UBR2: variants seen among roughly 807,000 people sequenced by gnomAD.
UBR2 encodes E3 ubiquitin-protein ligase UBR2.
A neutral mutation model predicts 247.9 loss-of-function variants in UBR2; 92 were observed. The observed-to-expected ratio is 0.37, with a 90% CI of 0.31 to 0.44. UBR2 has a LOEUF of 0.44. Among genes scored for constraint, UBR2 ranks in the 20% least tolerant of loss-of-function variants. The pLI is 1.00. For missense variants in UBR2, 1,613 were observed against 2,112.6 expected, an observed-to-expected ratio of 0.76 and a Z score of 4.64; for synonymous variants, 672 against 693.5, an observed-to-expected ratio of 0.97 and a Z score of 0.49.
chr6:42,644,615 T>A, intron 20 of UBR2, 79 bp downstream of exon 20: 1 of 1,199,640 alleles, frequency 8.3e-7, no homozygotes, highest in Non-Finnish European at 1.2e-6. Flanking sequence ...TTCTGGCCTG[T>A]GTTTCCTTTG....
chr6:42,642,342 GC>G, intron 17 of UBR2, 73 bp from the exon 18 acceptor site: 1 of 1,006,404 alleles, frequency 9.9e-7, no homozygotes, highest in East Asian at 2.6e-5. Context: ...ACAAACTTGT[GC>G]TTTTGGGGAA....
intron 1 of UBR2, among the ~76,000 whole-genome samples, chr6:42,573,530 A>G (rs1791300376): frequency 6.6e-6 from 1 of 152,170 alleles, no homozygotes; most frequent in South Asian, 2.1e-4. Flanking sequence ...TTTCATTTTA[A>G]TTTTACTTAC....
chr6:42,586,822 C>CTTTTTTTTT (rs34530579), intron 2 of UBR2, among the ~76,000 whole-genome samples: 1 of 123,906 alleles, frequency 8.1e-6, no homozygotes. Flanking sequence ...CACCTATAAA[C>CTTTTTTTTT]TTTTTTTTTT....
At chr6:42,666,047 A>G in intron 33 of UBR2, 120 bp from the exon 34 acceptor site, 1 of 722,438 alleles carries the variant, frequency 1.4e-6, no homozygotes. Flanking sequence ...TATGGTTGTT[A>G]TGCCAGTTTT....
At chr6:42,582,200 G>C (rs921655481) in intron 2 of UBR2, among the ~76,000 whole-genome samples, 6 of 149,668 alleles carry the variant, frequency 4.0e-5, no homozygotes, top group Non-Finnish European at 8.9e-5. Context: ...GGAGAATGAC[G>C]TGAACCCGGG....
At chr6:42,586,683 C>G (rs1018368824) in intron 2 of UBR2, among the ~76,000 whole-genome samples, 9 of 151,130 alleles carry the variant, frequency 6.0e-5, no homozygotes, top group African/African-American at 1.7e-4. Context: ...AATGGTAACT[C>G]TAGGGATTAT....
In UBR2 at chr6:42,670,142, C is replaced by T. The variant is rs1212701293; in HGVS notation, c.3932C>T (p.Ala1311Val). ...GAAATGCTAACGACATTTGGAACTG[C>T]TACCTACAAGGTGGGACTAAAGGTT... Reference protein sequence around the residue: ...IKEMLTTFGTATYKVGLKVHP... With the variant: ...IKEMLTTFGTVTYKVGLKVHP... Residue 1311 changes from alanine to valine, a missense_variant, in exon 35 of 47, where the codon GCT becomes GTT. By Grantham distance (64) the Ala-to-Val change is moderately conservative. Transcript: ENST00000372901. 1 of 1,614,180 alleles carries T rather than the reference C, an allele frequency of 6.2e-7. No homozygotes were observed. The highest frequency in any genetic ancestry group is 8.5e-7 in the Non-Finnish European group (1 of 1,180,018).
Position 42,614,384 on chromosome 6 carries a change from GT to G in UBR2, c.986-686del, listed in dbSNP as rs888340308. On this transcript the variant is annotated intron_variant, in intron 8 of 46. Transcript: ENST00000372901. ...TATATGTGTGTATGTGTGTATATAT[GT>G]ATGTACGTACATACATACGTATGTA... Among the ~76,000 whole-genome samples the G allele has an allele frequency of 2.4e-4, 33 of 138,534 alleles. 2 individuals are homozygous for G. The highest frequency in any genetic ancestry group is 7.7e-5 in the Non-Finnish European group (5 of 64,526). 90.9% of individuals were successfully genotyped at this position (138,534 alleles called of 152,430 possible). A position where few individuals can be genotyped will look rare whatever the true frequency, so the allele number is the denominator to read the frequency against.
At chr6:42,627,483 CTTTG>C (rs979435539) in intron 11 of UBR2, among the ~76,000 whole-genome samples, 2 of 151,880 alleles carry the variant, frequency 1.3e-5, no homozygotes, top group South Asian at 2.1e-4. Flanking sequence ...CTATTACCGT[CTTTG>C]TTTGTTTTTT....
chr6:42,673,698 T>G (rs1017445793), intron 36 of UBR2, 93 bp from the exon 37 acceptor site: 4 of 817,146 alleles, frequency 4.9e-6, no homozygotes, highest in Admixed American at 4.3e-5. Flanking sequence ...TAGAGCAGTT[T>G]CATTGTGCAT....
At chr6:42,624,685 G>A (rs1402075394) in intron 11 of UBR2, among the ~76,000 whole-genome samples, 1 of 152,114 alleles carries the variant, frequency 6.6e-6, no homozygotes, top group Non-Finnish European at 1.5e-5. Context: ...ATTGGTTGAG[G>A]AGAGCATCAT....
chr6:42,667,069 A>G (rs1198599376), intron 34 of UBR2, among the ~76,000 whole-genome samples: 1 of 152,030 alleles, frequency 6.6e-6, no homozygotes, highest in Non-Finnish European at 1.5e-5. Context: ...AGAAAAAAAC[A>G]TCATGCCTAT....
Position 42,640,206 on chromosome 6 carries a change from C to T in UBR2, c.1859-3C>T, listed in dbSNP as rs780890548. The T allele has an allele frequency of 1.3e-6, 2 of 1,598,522 alleles. No homozygotes were observed. The highest frequency in any genetic ancestry group is 1.7e-6 in the Non-Finnish European group (2 of 1,174,868). ...ACTGTTTTTTGTTTGTTCTTTCATG[C>T]AGGTTTACATGTATTATTAAGCAAA... is the stretch of plus-strand genomic sequence containing the variant. On this transcript the variant is annotated splice_polypyrimidine_tract_variant and splice_region_variant and intron_variant, in intron 15 of 46. Transcript: ENST00000372901.
chr6:42,564,817 T>G (rs191628773), intron 1 of UBR2, among the ~76,000 whole-genome samples: 72 of 152,332 alleles, frequency 4.7e-4, no homozygotes, highest in African/African-American at 1.6e-3. Context: ...AGCGAAGCCG[T>G]GTGCTCCTCC....
At chr6:42,619,434 TATATATATATATATATATA>T (rs1562317999) in intron 11 of UBR2, 11 of 23,220 alleles carry the variant, frequency 4.7e-4, no homozygotes, top group African/African-American at 9.8e-4. Context: ...TATATATATA[TATATATATATATATATATA>T]TTTTTTTTTT....
chr6:42,569,972 A>G (rs1038034791), intron 1 of UBR2, among the ~76,000 whole-genome samples: 1 of 152,242 alleles, frequency 6.6e-6, no homozygotes, highest in African/African-American at 2.4e-5. Flanking sequence ...GACAGCTACA[A>G]GTGTCTGAAA....
rs1273310437 is a variant in UBR2 at position 42,662,209 on chromosome 6, C to T, written c.3468C>T (p.His1156=). 1 of 1,608,774 alleles carries T rather than the reference C, an allele frequency of 6.2e-7. No homozygotes were observed. The highest frequency in any genetic ancestry group is 8.5e-7 in the Non-Finnish European group (1 of 1,177,784). Residue 1156 remains histidine (H), a synonymous_variant, in exon 31 of 47, where the codon CAC becomes CAT. Transcript: ENST00000372901. ...AAAAATATGATCCATTATTCATGCA[C>T]CCTGATCTGTCTTGTGGAACACACA... ...DPEKYDPLFM[H]PDLSCGTHTS...
At position 42,676,140 on chromosome 6, in the gene UBR2, C is replaced by T. The variant is rs758140314; in HGVS notation, c.4336C>T (p.His1446Tyr). ...TGGCACTGGAGACCTTCACATTTTCCATCTGGTTACTATGGCACACATCAT... is the reference window on the plus strand; with the variant it reads ...TGGCACTGGAGACCTTCACATTTTCTATCTGGTTACTATGGCACACATCAT... ...SLGTGDLHIF[H>Y]LVTMAHIIQI... Residue 1446 changes from histidine to tyrosine, a missense_variant, in exon 39 of 47, where the codon CAT (histidine) becomes TAT (tyrosine). This residue lies in a region of UBR2 where 1,524 missense variants were observed against 1,967.3 expected (regional missense o/e 0.77). Coordinates refer to ENST00000372901, the MANE Select transcript of UBR2 (RefSeq NM_001363705.2). The T allele has an allele frequency of 2.5e-6, 4 of 1,613,574 alleles. No homozygotes were observed. The highest frequency in any genetic ancestry group is 2.2e-5 in the East Asian group (1 of 44,830).
intron 39 of UBR2, among the ~76,000 whole-genome samples, 160 bp downstream of exon 39, chr6:42,676,351 C>G (rs1236592688): frequency 6.6e-6 from 1 of 152,146 alleles, no homozygotes. Flanking sequence ...ACATTTCTTT[C>G]TCCTCTTAAA....
Sources: gnomAD v4.1 joint callset for allele counts (sites outside exome capture counted in the v4.1 genomes callset) on GRCh38, gnomAD v4.1.1 for gene constraint, gnomAD v4.1.1 regional missense constraint, MANE v1.5 for transcripts, NCBI Gene and HGNC (gene_info 2026-07-23, HGNC 2026-07-21) for gene names.